The following TPD52 variants were observed in gnomAD, a reference collection of about 807,000 sequenced individuals.
TPD52 encodes the protein tumor protein D52.
A neutral mutation model predicts 31.3 loss-of-function variants in TPD52; 17 were observed. The ratio of observed to expected loss-of-function variants is 0.54; its 90% CI spans 0.37 to 0.82. The LOEUF (loss-of-function observed/expected upper bound fraction) is 0.82, where lower values mean the gene tolerates loss of function less well. Among genes scored for constraint, TPD52 ranks in the 40% least tolerant of loss-of-function variants. The pLI, the probability that TPD52 is intolerant of heterozygous loss-of-function variation, is 0.00. For missense variants in TPD52, 212 were observed against 240.1 expected, an observed-to-expected ratio of 0.88 and a Z score of 0.77; for synonymous variants, 83 against 89.6, an observed-to-expected ratio of 0.93 and a Z score of 0.42.
chr8:80,075,670 T>A (rs534112795), intron 1 of TPD52, among the ~76,000 whole-genome samples: 1 of 152,268 alleles, frequency 6.6e-6, no homozygotes, highest in East Asian at 1.9e-4. Context: ...AAATTGAGTA[T>A]AAAACTAGTA....
At chr8:80,045,509 G>C (rs1237419097) in intron 5 of TPD52, among the ~76,000 whole-genome samples, 2 of 152,226 alleles carry the variant, frequency 1.3e-5, no homozygotes, top group South Asian at 4.1e-4. Flanking sequence ...AGGACACTAA[G>C]CTGCTGGACA....
At chr8:80,105,027 C>G (rs1807005699) in intron 1 of TPD52, among the ~76,000 whole-genome samples, 1 of 151,816 alleles carries the variant, frequency 6.6e-6, no homozygotes, top group South Asian at 2.1e-4. Context: ...CCACTGCACT[C>G]CAGCCTGGGC....
intron 3 of TPD52, 36 bp downstream of exon 3, chr8:80,053,246 C>G (rs1295626697): frequency 6.2e-7 from 1 of 1,606,414 alleles, no homozygotes; most frequent in East Asian, 2.2e-5. Flanking sequence ...GTGTCCTTTA[C>G]ACTCCCAAGG....
At chr8:80,048,199 A>G (rs1483762189) in intron 5 of TPD52, among the ~76,000 whole-genome samples, 2 of 152,190 alleles carry the variant, frequency 1.3e-5, no homozygotes, top group Non-Finnish European at 2.9e-5. Context: ...CAGGACATCA[A>G]GAGCAGCTCT....
chr8:80,113,838 G>T (rs888736469), intron 1 of TPD52, among the ~76,000 whole-genome samples: 1 of 152,186 alleles, frequency 6.6e-6, no homozygotes, highest in Admixed American at 6.5e-5. Context: ...TTGTGGTGAA[G>T]AATATGCTAA....
At chr8:80,166,819 T>C (rs941382014) in intron 1 of TPD52, among the ~76,000 whole-genome samples, 1 of 152,030 alleles carries the variant, frequency 6.6e-6, no homozygotes, top group Non-Finnish European at 1.5e-5. Context: ...GACAGGAGAA[T>C]TGCTTGAACC....
intron 1 of TPD52, among the ~76,000 whole-genome samples, chr8:80,138,201 C>T (rs752215599): frequency 2.5e-4 from 38 of 152,108 alleles, no homozygotes; most frequent in Non-Finnish European, 3.8e-4. Flanking sequence ...CCTCAGCCTC[C>T]CAAAGTGCTG....
chr8:80,135,006 C>T (rs775119845), intron 1 of TPD52, among the ~76,000 whole-genome samples: 34 of 152,134 alleles, frequency 2.2e-4, no homozygotes, highest in Non-Finnish European at 4.7e-4. Context: ...GAACTGGGAT[C>T]CCAAGAGAGT....
At chr8:80,164,017 A>T (rs1166118229) in intron 1 of TPD52, among the ~76,000 whole-genome samples, 1 of 117,800 alleles carries the variant, frequency 8.5e-6, no homozygotes, top group African/African-American at 4.3e-5. Flanking sequence ...TAACTGTGAG[A>T]GAGAGACAGA....
intron 1 of TPD52, among the ~76,000 whole-genome samples, chr8:80,075,314 G>A (rs150115595): frequency 2.3e-4 from 35 of 152,292 alleles, no homozygotes; most frequent in African/African-American, 7.7e-4. Context: ...AAACAGAGCA[G>A]GAGGGGAGGG....
At chr8:80,047,335 C>T (rs983126647) in intron 5 of TPD52, among the ~76,000 whole-genome samples, 2 of 152,100 alleles carry the variant, frequency 1.3e-5, no homozygotes, top group African/African-American at 4.8e-5. Context: ...TCTCGCTGGG[C>T]TTATAAATGT....
At chr8:80,138,654 T>G (rs1489575707) in intron 1 of TPD52, among the ~76,000 whole-genome samples, 2 of 152,174 alleles carry the variant, frequency 1.3e-5, no homozygotes, top group African/African-American at 2.4e-5. Context: ...AACCAGACTT[T>G]TGACAACTGC....
At chr8:80,154,756 A>G (rs1011175146) in intron 1 of TPD52, among the ~76,000 whole-genome samples, 3 of 134,760 alleles carry the variant, frequency 2.2e-5, no homozygotes, top group Non-Finnish European at 3.3e-5. Flanking sequence ...CACACACAAA[A>G]CACCTACATT....
chr8:80,170,293 G>T (rs1424344263), intron 1 of TPD52, among the ~76,000 whole-genome samples: 1 of 152,134 alleles, frequency 6.6e-6, no homozygotes, highest in Non-Finnish European at 1.5e-5. Context: ...GCGCACACCT[G>T]TAATCCCAGC....
At chr8:80,103,101 T>C (rs1806863363) in intron 1 of TPD52, among the ~76,000 whole-genome samples, 1 of 152,072 alleles carries the variant, frequency 6.6e-6, no homozygotes, top group Admixed American at 6.5e-5. Context: ...TGGGTAAATA[T>C]CAGAAAAGTG....
At chr8:80,118,494 C>T (rs1262635323) in intron 1 of TPD52, among the ~76,000 whole-genome samples, 1 of 152,172 alleles carries the variant, frequency 6.6e-6, no homozygotes, top group African/African-American at 2.4e-5. Flanking sequence ...GAAAAGACAA[C>T]CCACAGAATG....
intron 1 of TPD52, among the ~76,000 whole-genome samples, chr8:80,162,993 G>A (rs903950838): frequency 6.6e-6 from 1 of 152,058 alleles, no homozygotes; most frequent in African/African-American, 2.4e-5. Flanking sequence ...TGATAAAGAT[G>A]GAGAGAAACT....
At chr8:80,050,555 T>C (rs991893537) in intron 4 of TPD52, 84 bp from the exon 5 acceptor site, 5 of 1,381,612 alleles carry the variant, frequency 3.6e-6, no homozygotes, top group South Asian at 1.3e-5. Context: ...TTTAAACATA[T>C]AATGTTTTCC....
intron 1 of TPD52, among the ~76,000 whole-genome samples, chr8:80,143,073 C>T (rs1336983438): frequency 6.6e-6 from 1 of 152,148 alleles, no homozygotes; most frequent in Non-Finnish European, 1.5e-5. Flanking sequence ...ATCTTGACTC[C>T]ACTATGAACC....
Sources: allele counts gnomAD v4.1 joint callset (sites outside exome capture counted in the v4.1 genomes callset), GRCh38; gene constraint gnomAD v4.1.1; transcripts MANE v1.5; gene names NCBI Gene and HGNC (gene_info 2026-07-23, HGNC 2026-07-21).